The following CSMD1 variants were observed in gnomAD, a reference collection of about 807,000 sequenced individuals.
The protein encoded by CSMD1 is CUB and sushi domain-containing protein 1.
A neutral mutation model predicts 417.5 loss-of-function variants in CSMD1; 213 were observed. The ratio of observed to expected loss-of-function variants is 0.51; its 90% CI spans 0.46 to 0.57. The LOEUF is 0.57. Among genes scored for constraint, CSMD1 ranks in the 20% least tolerant of loss-of-function variants. The pLI is 0.00. For synonymous variants in CSMD1, 2,862 were observed against 1,736.8 expected, an observed-to-expected ratio of 1.65 and a Z score of -16.11; for missense variants, 6,923 against 4,529.7, an observed-to-expected ratio of 1.53 and a Z score of -15.17.
rs552433791 is a variant in CSMD1 at position 4,628,152 on chromosome 8, C to T, written c.302+9190G>A. Among the ~76,000 whole-genome samples, 3 of 151,174 alleles carry T rather than the reference C, an allele frequency of 2.0e-5. No individual in the cohort carries two copies. In the South Asian group the frequency reaches 6.3e-4, roughly 32 times the overall value. ...ATATATATATATATGTACACAGTAT[C>T]AAATTTCAACTGAATGATTTTTAAA... On this transcript the variant is annotated intron_variant, in intron 2 of 69. Coordinates refer to ENST00000635120, the MANE Select transcript of CSMD1 (RefSeq NM_033225.6).
intron 3 of CSMD1, among the ~76,000 whole-genome samples, chr8:4,125,241 C>T (rs1802695379): frequency 6.6e-6 from 1 of 152,302 alleles, no homozygotes; most frequent in East Asian, 1.9e-4. Context: ...GGCCAACCTG[C>T]CTCCCATTCT....
intron 3 of CSMD1, among the ~76,000 whole-genome samples, chr8:4,418,860 G>A (rs561815959): frequency 7.9e-5 from 12 of 152,214 alleles, no homozygotes; most frequent in East Asian, 5.8e-4. Flanking sequence ...GCACAAATGC[G>A]GTGGCATGAA....
At chr8:3,709,425 G>T (rs896570870) in intron 6 of CSMD1, among the ~76,000 whole-genome samples, 3 of 152,094 alleles carry the variant, frequency 2.0e-5, no homozygotes, top group Non-Finnish European at 2.9e-5. Context: ...AGCTGTGAGG[G>T]TTAGTTTTAT....
chr8:4,107,005 C>G (rs972443055), intron 3 of CSMD1, among the ~76,000 whole-genome samples: 1 of 152,140 alleles, frequency 6.6e-6, no homozygotes, highest in African/African-American at 2.4e-5. Flanking sequence ...ACAACACTAA[C>G]AGGAGAGAAA....
intron 32 of CSMD1, 22 bp from the exon 33 acceptor site, chr8:3,199,831 G>C (rs1209351904): frequency 6.7e-7 from 1 of 1,502,088 alleles, no homozygotes; most frequent in Non-Finnish European, 9.1e-7. Flanking sequence ...AACAGAGACA[G>C]ATTCAGAAAA....
intron 3 of CSMD1, among the ~76,000 whole-genome samples, chr8:4,322,645 G>C (rs373980596): frequency 2.0e-5 from 3 of 150,828 alleles, no homozygotes; most frequent in Admixed American, 6.7e-5. Flanking sequence ...AAAAATCTAA[G>C]AATAATCACT....
intron 2 of CSMD1, among the ~76,000 whole-genome samples, chr8:4,498,370 A>G (rs780496822): frequency 1.1e-4 from 16 of 152,216 alleles, no homozygotes; most frequent in Non-Finnish European, 2.1e-4. Flanking sequence ...ATAATCTTAT[A>G]TAGCATGTGC....
intron 6 of CSMD1, among the ~76,000 whole-genome samples, chr8:3,739,222 C>G (rs1008137749): frequency 1.3e-5 from 2 of 152,188 alleles, no homozygotes; most frequent in African/African-American, 2.4e-5. Context: ...TGTCCTCAAA[C>G]TTTTGTCCCA....
chr8:3,762,023 G>C (rs536050994), intron 5 of CSMD1, among the ~76,000 whole-genome samples: 2 of 152,204 alleles, frequency 1.3e-5, no homozygotes, highest in South Asian at 2.1e-4. Flanking sequence ...ACGGCCTTTA[G>C]CTTTTTCCTT....
At position 4,814,756 on chromosome 8, in the gene CSMD1, T is replaced by C. The variant is rs78647700; in HGVS notation, c.86-177198A>G. 7.3e-3 allele frequency among the ~76,000 whole-genome samples: 1,112 copies of C among 152,278 alleles called. 9 individuals carry two copies. Among genetic ancestry groups the C allele is most frequent in the African/African-American group, 0.026 (1,067 of 41,546 alleles). ...TATTTTTGTCCTAACATTGAGATCA[T>C]TGATAAGGAAATGTTCTAAAATTTC... is the stretch of plus-strand genomic sequence containing the variant. On this transcript the variant is annotated intron_variant, in intron 1 of 69. Coordinates refer to ENST00000635120, the MANE Select transcript of CSMD1 (RefSeq NM_033225.6).
intron 3 of CSMD1, among the ~76,000 whole-genome samples, chr8:4,100,823 T>A (rs1182156345): frequency 6.6e-6 from 1 of 152,172 alleles, no homozygotes; most frequent in Non-Finnish European, 1.5e-5. Context: ...AAGTTAAACA[T>A]GTATAAACTG....
chr8:3,167,405 T>A (rs1273305520), intron 37 of CSMD1, among the ~76,000 whole-genome samples: 2 of 152,008 alleles, frequency 1.3e-5, no homozygotes, highest in Non-Finnish European at 2.9e-5. Flanking sequence ...AATGCCCAGG[T>A]GCCCTGATTA....
At chr8:4,443,070 CAG>C (rs1798575851) in intron 2 of CSMD1, among the ~76,000 whole-genome samples, 1 of 152,088 alleles carries the variant, frequency 6.6e-6, no homozygotes. Context: ...TGAGAAGAGT[CAG>C]AGGTGGTATC....
At chr8:4,564,927 C>A (rs562171047) in intron 2 of CSMD1, among the ~76,000 whole-genome samples, 4 of 152,162 alleles carry the variant, frequency 2.6e-5, no homozygotes, top group Admixed American at 2.0e-4. Context: ...TAGTTAATAG[C>A]GGCTTTTCTA....
intron 3 of CSMD1, among the ~76,000 whole-genome samples, chr8:4,184,743 A>G (rs969611198): frequency 6.7e-6 from 1 of 148,928 alleles, no homozygotes; most frequent in Admixed American, 6.8e-5. Flanking sequence ...ACTAATGGGT[A>G]CTGGGCTTAA....
At chr8:4,787,889 A>C in intron 1 of CSMD1, 3 of 1,580,698 alleles carry the variant, frequency 1.9e-6, no homozygotes, top group Non-Finnish European at 2.6e-6. Flanking sequence ...ATGAAGATTG[A>C]ATTTGGTGTT....
chr8:4,467,230 C>A (rs888625167), intron 2 of CSMD1, among the ~76,000 whole-genome samples: 1 of 152,080 alleles, frequency 6.6e-6, no homozygotes, highest in African/African-American at 2.4e-5. Context: ...CACAAAGCTC[C>A]CAGGGACACA....
intron 3 of CSMD1, among the ~76,000 whole-genome samples, chr8:4,057,967 T>C (rs1470882888): frequency 6.6e-6 from 1 of 150,940 alleles, no homozygotes; most frequent in Non-Finnish European, 1.5e-5. Context: ...TCAGGTAGGG[T>C]GATGCCTCCA....
rs1219091994 is a variant in CSMD1, at chr8:3,180,861, C to A, written c.5725+249G>T. On this transcript the variant is annotated intron_variant, in intron 37 of 69. Transcript: ENST00000635120. ...GTTTCTCCGTGTTGGACAGCCTGGT[C>A]TTGAACACCTGATGTCTGGTGATCC... Among the ~76,000 whole-genome samples the A allele has an allele frequency of 2.0e-5, 3 of 151,990 alleles. No individual in the cohort carries two copies. The East Asian group carries it at 5.8e-4, about 29-fold the overall frequency.
Sources: gnomAD v4.1 joint callset for allele counts (sites outside exome capture counted in the v4.1 genomes callset) on GRCh38, gnomAD v4.1.1 for gene constraint, MANE v1.5 for transcripts, NCBI Gene and HGNC (gene_info 2026-07-23, HGNC 2026-07-21) for gene names.